The following PCSK5 variants were observed in gnomAD, a reference collection of about 807,000 sequenced individuals.
The protein encoded by PCSK5 is proprotein convertase subtilisin/kexin type 5.
A neutral mutation model predicts 233.2 loss-of-function variants in PCSK5; 129 were observed. The ratio of observed to expected loss-of-function variants is 0.55; its 90% CI spans 0.48 to 0.64. The LOEUF (loss-of-function observed/expected upper bound fraction) is 0.64, where lower values mean the gene tolerates loss of function less well. Ranked by LOEUF, PCSK5 falls within the 30% of genes least tolerant of loss-of-function variation. The pLI, the probability that PCSK5 is intolerant of heterozygous loss-of-function variation, is 0.00. For missense variants in PCSK5, 2,076 were observed against 2,430.1 expected (o/e 0.85, Z 3.06); for synonymous variants, 825 against 879.2 (o/e 0.94, Z 1.09).
chr9:76,308,713 A>G lies in PCSK5; in HGVS notation c.3673A>G (p.Thr1225Ala), dbSNP rs776175620. The G allele has an allele frequency of 3.1e-6, 5 of 1,608,118 alleles. No homozygotes were observed. Among genetic ancestry groups the G allele is most frequent in the Non-Finnish European group, 3.4e-6 (4 of 1,175,682 alleles). Residue 1225 changes from threonine to alanine, a missense_variant, in exon 29 of 38, where the codon ACT becomes GCT. Around this residue, in one of 6 missense-constraint regions of PCSK5, gnomAD observed 1,510 missense variants for 1,538.1 expected, o/e 0.98. Transcript: ENST00000674117. Reference sequence around the variant, plus strand: ...CTGCAATGGATCTGCAACTCTGTGCACTTCATGTCCCAAAGGTTAGTGTGT... The same window carrying G: ...CTGCAATGGATCTGCAACTCTGTGCGCTTCATGTCCCAAAGGTTAGTGTGT... ...KTCNGSATLC[T>A]SCPKGAYLLA... is the part of the protein sequence containing the mutation.
At chr9:76,236,437 C>T (rs1826255358) in intron 22 of PCSK5, among the ~76,000 whole-genome samples, 1 of 152,186 alleles carries the variant, frequency 6.6e-6, no homozygotes, top group African/African-American at 2.4e-5. Flanking sequence ...CTCTTGTCGC[C>T]TGTTTTCCCA....
intron 7 of PCSK5, among the ~76,000 whole-genome samples, chr9:76,075,112 C>CA: frequency 6.6e-6 from 1 of 152,188 alleles, no homozygotes; most frequent in South Asian, 2.1e-4. Flanking sequence ...CCCAACTACT[C>CA]AAGAGGCTGA....
intron 21 of PCSK5, among the ~76,000 whole-genome samples, chr9:76,229,913 G>A (rs1332647844): frequency 1.3e-5 from 2 of 152,224 alleles, no homozygotes; most frequent in Admixed American, 1.3e-4. Flanking sequence ...GCTGGCATGA[G>A]TTGGGGAAAG....
intron 3 of PCSK5, among the ~76,000 whole-genome samples, chr9:75,987,949 A>T (rs547886402): frequency 6.6e-6 from 1 of 152,234 alleles, no homozygotes; most frequent in East Asian, 1.9e-4. Context: ...GGACAGTAGA[A>T]CTATCTAGTA....
chr9:76,023,648 G>GAAAA, intron 3 of PCSK5, 90 bp from the exon 4 acceptor site: 2 of 1,027,398 alleles, frequency 1.9e-6, no homozygotes, highest in African/African-American at 1.7e-5. Context: ...GGGCAGCAGA[G>GAAAA]AAAAAAAAAA....
intron 7 of PCSK5, among the ~76,000 whole-genome samples, chr9:76,089,397 TCAGATG>T (rs1449245642): frequency 5.3e-5 from 8 of 152,216 alleles, no homozygotes; most frequent in Non-Finnish European, 1.0e-4. Flanking sequence ...GAGGTTCTGA[TCAGATG>T]CAGGGTCTCG....
intron 3 of PCSK5, among the ~76,000 whole-genome samples, chr9:75,990,120 GT>G (rs1027503141): frequency 7.9e-5 from 12 of 152,180 alleles, no homozygotes; most frequent in African/African-American, 2.9e-4. Flanking sequence ...ATTCTTGGGA[GT>G]ATTGTTTGGC....
intron 27 of PCSK5, among the ~76,000 whole-genome samples, chr9:76,297,358 A>T (rs1347208228): frequency 6.6e-6 from 1 of 152,178 alleles, no homozygotes; most frequent in African/African-American, 2.4e-5. Flanking sequence ...GACGGTCTCT[A>T]TGGCTGCGTT....
chr9:75,896,640 G>A (rs1220248196), intron 1 of PCSK5, among the ~76,000 whole-genome samples: 1 of 152,180 alleles, frequency 6.6e-6, no homozygotes, highest in Non-Finnish European at 1.5e-5. Context: ...TGACAGAAAA[G>A]CTGACTTTAG....
At chr9:76,358,278 G>A (rs1169089554) in intron 37 of PCSK5, among the ~76,000 whole-genome samples, 1 of 152,082 alleles carries the variant, frequency 6.6e-6, no homozygotes, top group Non-Finnish European at 1.5e-5. Context: ...GACCAAGGTG[G>A]GAGGATCTCT....
intron 3 of PCSK5, among the ~76,000 whole-genome samples, chr9:75,986,529 G>A (rs1034014072): frequency 6.6e-6 from 1 of 152,176 alleles, no homozygotes; most frequent in Non-Finnish European, 1.5e-5. Context: ...TGGGCCAGAG[G>A]ATAGAAAAAT....
chr9:76,181,705 A>G, intron 16 of PCSK5, 114 bp downstream of exon 16: 1 of 696,004 alleles, frequency 1.4e-6, no homozygotes, highest in Non-Finnish European at 2.5e-6. Flanking sequence ...CATATCAAAC[A>G]GGATCTAGTT....
At chr9:76,232,322 G>A (rs1826117754) in intron 21 of PCSK5, among the ~76,000 whole-genome samples, 3 of 152,154 alleles carry the variant, frequency 2.0e-5, no homozygotes, top group South Asian at 2.1e-4. Context: ...TTATGCCCAC[G>A]GGAGCTTGCG....
At chr9:76,353,042 G>C (rs571417199) in intron 36 of PCSK5, among the ~76,000 whole-genome samples, 10 of 152,036 alleles carry the variant, frequency 6.6e-5, no homozygotes, top group Non-Finnish European at 2.9e-5. Flanking sequence ...TTATATGAGT[G>C]CTAAGTAACA....
chr9:76,218,166 C>T (rs940138567), intron 20 of PCSK5, among the ~76,000 whole-genome samples: 1 of 152,082 alleles, frequency 6.6e-6, no homozygotes, highest in Non-Finnish European at 1.5e-5. Flanking sequence ...TATTTCTGAC[C>T]GACTTTGACC....
At chr9:76,135,146 G>A (rs1183439455) in intron 10 of PCSK5, among the ~76,000 whole-genome samples, 2 of 151,912 alleles carry the variant, frequency 1.3e-5, no homozygotes, top group East Asian at 3.9e-4. Flanking sequence ...ATGGTCCTGG[G>A]CAAGTCATTT....
At chr9:76,250,425 C>T (rs562880265) in intron 24 of PCSK5, among the ~76,000 whole-genome samples, 3 of 152,164 alleles carry the variant, frequency 2.0e-5, no homozygotes, top group Admixed American at 6.5e-5. Flanking sequence ...ACAAACACTA[C>T]GTCATACATG....
chr9:76,173,495 CCTT>C (rs1444583001), intron 13 of PCSK5, among the ~76,000 whole-genome samples: 1 of 34,582 alleles, frequency 2.9e-5, no homozygotes, highest in Non-Finnish European at 6.2e-5. Flanking sequence ...AGGCACGTTT[CCTT>C]TTTTTTTTTT....
At chr9:76,026,404 G>A (rs546928862) in intron 4 of PCSK5, among the ~76,000 whole-genome samples, 50 of 152,220 alleles carry the variant, frequency 3.3e-4, no homozygotes, top group African/African-American at 1.2e-3. Context: ...GGAACCAGAC[G>A]AGGGTTGTCT....
Sources: allele counts gnomAD v4.1 joint callset (sites outside exome capture counted in the v4.1 genomes callset), GRCh38; gene constraint gnomAD v4.1.1; regional missense constraint gnomAD v4.1.1; transcripts MANE v1.5; gene names NCBI Gene and HGNC (gene_info 2026-07-23, HGNC 2026-07-21).